DAB1: variants seen among roughly 807,000 people sequenced by gnomAD.
DAB1 encodes DAB adaptor protein 1, also known as disabled homolog 1.
DAB1 carries 15 observed loss-of-function variants against 64.6 expected under a neutral mutation model. That is an observed-to-expected ratio of 0.23 (90% CI 0.16 to 0.36). The LOEUF (loss-of-function observed/expected upper bound fraction) is 0.36. Among genes scored for constraint, DAB1 ranks in the 10% least tolerant of loss-of-function variants. The pLI is 1.00. For missense variants in DAB1, 596 were observed against 706.7 expected (o/e 0.84, Z 1.78); for synonymous variants, 235 against 251.9 (o/e 0.93, Z 0.64).
At chr1:57,769,184 G>A (rs1226337197) in intron 6 of DAB1, among the ~76,000 whole-genome samples, 1 of 152,166 alleles carries the variant, frequency 6.6e-6, no homozygotes, top group Non-Finnish European at 1.5e-5. Flanking sequence ...TTATGTATGT[G>A]TGCCGTATCT....
chr1:57,951,540 T>A (rs1645279751), intron 5 of DAB1, among the ~76,000 whole-genome samples: 1 of 151,936 alleles, frequency 6.6e-6, no homozygotes, highest in Non-Finnish European at 1.5e-5. Flanking sequence ...GCCAGTTTCA[T>A]GTTTAAATTC....
Position 58,070,064 on chromosome 1 carries a change from G to A in DAB1, n.387+80447C>T, listed in dbSNP as rs557764798. Among the ~76,000 whole-genome samples, 18 of 152,328 alleles carry A rather than the reference G, an allele frequency of 1.2e-4. No homozygotes were observed. The South Asian group carries it at 3.7e-3, about 32-fold the overall frequency. On this transcript the variant is annotated intron_variant and non_coding_transcript_variant, in intron 5 of 20. Transcript: ENST00000485760. ...TCATGCCTTGCTCAATACTAGGCCA[G>A]GCACTTGGGGACCCAACCATCAGGG... is the stretch of plus-strand genomic sequence containing the variant.
chr1:57,431,520 G>A (rs999414939), intron 7 of DAB1, among the ~76,000 whole-genome samples: 4 of 152,082 alleles, frequency 2.6e-5, no homozygotes, highest in Admixed American at 6.5e-5. Context: ...TCATGATACC[G>A]GCCTTGCTTG....
chr1:58,536,751 A>G, intron 1 of DAB1: 1 of 866,086 alleles, frequency 1.2e-6, no homozygotes, highest in Non-Finnish European at 2.0e-6. Context: ...CCTAAAGCAA[A>G]AAGAAAAATT....
At chr1:58,245,498 A>G (rs1660487783) in intron 4 of DAB1, among the ~76,000 whole-genome samples, 1 of 152,188 alleles carries the variant, frequency 6.6e-6, no homozygotes, top group Non-Finnish European at 1.5e-5. Flanking sequence ...TTAAGCTCTG[A>G]GCAAATATAG....
At chr1:57,625,320 CCT>C (rs893085808) in intron 7 of DAB1, among the ~76,000 whole-genome samples, 32 of 152,018 alleles carry the variant, frequency 2.1e-4, no homozygotes. Context: ...CTCTGTATTT[CCT>C]CTCTCTGTTT....
intron 4 of DAB1, among the ~76,000 whole-genome samples, chr1:58,159,985 AAAG>A (rs1488325379): frequency 1.3e-5 from 2 of 152,230 alleles, no homozygotes; most frequent in African/African-American, 4.8e-5. Context: ...GGAGGAAATA[AAAG>A]AAGATACCTT....
intron 6 of DAB1, among the ~76,000 whole-genome samples, chr1:57,738,327 G>A (rs1358575678): frequency 6.6e-6 from 1 of 152,176 alleles, no homozygotes; most frequent in East Asian, 1.9e-4. Context: ...AATTCATGTT[G>A]CTGGTCTCCA....
At chr1:58,358,896 CCTCT>C (rs1348605692) in intron 3 of DAB1, among the ~76,000 whole-genome samples, 12 of 124,516 alleles carry the variant, frequency 9.6e-5, no homozygotes, top group Non-Finnish European at 1.5e-4. Flanking sequence ...CCACCTTCTG[CCTCT>C]CTCTGTCTCT....
intron 6 of DAB1, among the ~76,000 whole-genome samples, chr1:57,660,532 G>A (rs1342696758): frequency 1.3e-5 from 2 of 152,208 alleles, no homozygotes; most frequent in Non-Finnish European, 2.9e-5. Context: ...GTGCAGGCAA[G>A]ATGGAGAGAT....
intron 2 of DAB1, among the ~76,000 whole-genome samples, chr1:57,255,397 C>T (rs1448743650): frequency 3.3e-5 from 5 of 152,166 alleles, no homozygotes; most frequent in Admixed American, 2.0e-4. Flanking sequence ...TGAGGTGGCT[C>T]ATGACTGTAA....
chr1:58,294,935 G>A (rs1448647494), intron 4 of DAB1, among the ~76,000 whole-genome samples: 2 of 148,098 alleles, frequency 1.4e-5, no homozygotes, highest in Non-Finnish European at 1.5e-5. Context: ...TATGTGTGGT[G>A]AGTGGTGATG....
chr1:58,220,198 G>A (rs1480619762), intron 4 of DAB1, among the ~76,000 whole-genome samples: 1 of 152,176 alleles, frequency 6.6e-6, no homozygotes, highest in Non-Finnish European at 1.5e-5. Flanking sequence ...AAATTTTGCA[G>A]GGATATTGTA....
At chr1:57,443,623 C>T (rs1686031729) in intron 7 of DAB1, among the ~76,000 whole-genome samples, 1 of 152,092 alleles carries the variant, frequency 6.6e-6, no homozygotes, top group South Asian at 2.1e-4. Flanking sequence ...ATTATTAATC[C>T]CCATATTATG....
At chr1:57,328,835 G>A (rs2100789416) in intron 1 of DAB1, among the ~76,000 whole-genome samples, 1 of 152,182 alleles carries the variant, frequency 6.6e-6, no homozygotes, top group East Asian at 1.9e-4. Flanking sequence ...CTGCCCATGT[G>A]GCATGTGAGG....
At chr1:57,586,269 C>T (rs1211833021) in intron 7 of DAB1, among the ~76,000 whole-genome samples, 3 of 152,154 alleles carry the variant, frequency 2.0e-5, no homozygotes, top group African/African-American at 4.8e-5. Context: ...ACCTCCTCTT[C>T]TTCCCTTGAA....
At chr1:57,520,356 G>A (rs1424180834) in intron 7 of DAB1, among the ~76,000 whole-genome samples, 1 of 152,134 alleles carries the variant, frequency 6.6e-6, no homozygotes, top group Non-Finnish European at 1.5e-5. Context: ...TATGGTTTCT[G>A]CACTGGTAGA....
At position 58,070,942 on chromosome 1, in the gene DAB1, G is replaced by T. The variant is rs188598995; in HGVS notation, n.387+79569C>A. On this transcript the variant is annotated intron_variant and non_coding_transcript_variant, in intron 5 of 20. Coordinates refer to the DAB1 transcript ENST00000485760. ...GCCTGAGAGTGATCCAGGTGGAGAC[G>T]CCCAGTTCACAAGTTTCCCCTGGAG... Among the ~76,000 whole-genome samples, 19 of 152,286 alleles carry T rather than the reference G, an allele frequency of 1.2e-4. No homozygotes were observed. In the South Asian group the frequency reaches 3.9e-3, roughly 32 times the overall value.
intron 4 of DAB1, among the ~76,000 whole-genome samples, chr1:58,182,738 G>C (rs948260571): frequency 9.9e-5 from 15 of 151,792 alleles, no homozygotes; most frequent in African/African-American, 3.6e-4. Context: ...TTTCACCTTT[G>C]AACAGATTTA....
Sources: allele counts gnomAD v4.1 joint callset (sites outside exome capture counted in the v4.1 genomes callset), GRCh38; gene constraint gnomAD v4.1.1; transcripts MANE v1.5; gene names NCBI Gene and HGNC (gene_info 2026-07-23, HGNC 2026-07-21).